MNAT1: variants seen among roughly 807,000 people sequenced by gnomAD.
MNAT1 encodes the protein CDK-activating kinase assembly factor MAT1.
In MNAT1, 43 loss-of-function variants were observed where a neutral mutation model predicts 42.0. The ratio of observed to expected loss-of-function variants is 1.02; its 90% CI spans 0.80 to 1.32. The LOEUF is 1.32. Among genes scored for constraint, MNAT1 ranks in the 40% most tolerant of loss-of-function variants. The pLI is 0.00. For synonymous variants in MNAT1, 118 were observed against 120.0 expected, an observed-to-expected ratio of 0.98 and a Z score of 0.11; for missense variants, 306 against 350.4, an observed-to-expected ratio of 0.87 and a Z score of 1.01.
intron 7 of MNAT1, among the ~76,000 whole-genome samples, chr14:60,959,312 G>T (rs866520542): frequency 1.1e-4 from 16 of 152,320 alleles, no homozygotes; most frequent in South Asian, 4.1e-4. Context: ...AGAGAAGGCT[G>T]CTGGAATCCT....
intron 7 of MNAT1, among the ~76,000 whole-genome samples, chr14:60,948,274 T>C (rs1324357079): frequency 6.6e-6 from 1 of 151,896 alleles, no homozygotes; most frequent in Admixed American, 6.6e-5. Flanking sequence ...CTACAAAAAA[T>C]TTAAAAATTA....
chr14:60,803,853 C>G (rs1391265621), intron 3 of MNAT1, among the ~76,000 whole-genome samples: 5 of 152,040 alleles, frequency 3.3e-5, no homozygotes, highest in Admixed American at 1.3e-4. Context: ...ATAATAGCAT[C>G]AAACATTTTC....
chr14:60,796,930 T>C (rs1234155625), intron 2 of MNAT1, among the ~76,000 whole-genome samples: 1 of 152,086 alleles, frequency 6.6e-6, no homozygotes, highest in East Asian at 1.9e-4. Flanking sequence ...CTATAGTTTA[T>C]TTTGGTATGT....
intron 1 of MNAT1, among the ~76,000 whole-genome samples, chr14:60,783,074 A>G (rs2031521567): frequency 6.6e-6 from 1 of 152,222 alleles, no homozygotes; most frequent in Non-Finnish European, 1.5e-5. Context: ...ATGATAATGA[A>G]TTTGGTATGA....
chr14:60,861,171 A>G (rs1169086779), intron 6 of MNAT1, among the ~76,000 whole-genome samples: 1 of 152,158 alleles, frequency 6.6e-6, no homozygotes, highest in East Asian at 1.9e-4. Context: ...ATTTATATCT[A>G]TTTGAAGATA....
At chr14:60,911,586 G>A (rs1396163170) in intron 7 of MNAT1, among the ~76,000 whole-genome samples, 4 of 152,164 alleles carry the variant, frequency 2.6e-5, no homozygotes, top group Non-Finnish European at 4.4e-5. Context: ...TGTGTACCCA[G>A]TAGTTCAGGA....
chr14:60,883,018 C>G (rs551082240), intron 7 of MNAT1, among the ~76,000 whole-genome samples: 67 of 152,196 alleles, frequency 4.4e-4, no homozygotes, highest in African/African-American at 1.6e-3. Context: ...AAAATATTTT[C>G]TCCCATTCTA....
intron 5 of MNAT1, among the ~76,000 whole-genome samples, chr14:60,815,271 A>G (rs1317762639): frequency 2.0e-5 from 3 of 150,964 alleles, no homozygotes; most frequent in African/African-American, 7.3e-5. Context: ...GCTGGAGTGC[A>G]GTGGCGTGAT....
chr14:60,903,868 T>C lies in MNAT1; in HGVS notation c.809+24033T>C, dbSNP rs980801794. ...GTTTTTGATGCTACCCATGTAAGTT[T>C]TTTTTTTTTTTTTTTTTTCTTTTTG... On this transcript the variant is annotated intron_variant, in intron 7 of 7. Coordinates refer to ENST00000261245, the MANE Select transcript of MNAT1 (RefSeq NM_002431.4). Among the ~76,000 whole-genome samples, 9 of 149,314 alleles carry C rather than the reference T, an allele frequency of 6.0e-5. 1 individual carries two copies. The highest frequency in any genetic ancestry group is 2.2e-4 in the African/African-American group (9 of 40,780).
intron 1 of MNAT1, among the ~76,000 whole-genome samples, chr14:60,776,579 A>AT (rs1347312493): frequency 6.6e-6 from 1 of 151,878 alleles, no homozygotes; most frequent in Non-Finnish European, 1.5e-5. Context: ...CTGGGGGGGG[A>AT]GGAGCAGATA....
Position 60,812,029 on chromosome 14 carries a change from C to A in MNAT1, c.463C>A (p.Arg155=), listed in dbSNP as rs145803434. 1 of 1,601,432 alleles carries A rather than the reference C, an allele frequency of 6.2e-7. No homozygotes were observed. Among genetic ancestry groups the A allele is most frequent in the Non-Finnish European group, 8.5e-7 (1 of 1,175,870 alleles). Reference sequence around the variant, plus strand: ...ACTGGAAGAAGCTTTAGAAGTGGAACGACAGGAAAATGAACAAAGAAGATT... The same window carrying A: ...ACTGGAAGAAGCTTTAGAAGTGGAAAGACAGGAAAATGAACAAAGAAGATT... The part of the protein sequence containing the change: ...EELEEALEVE[R]QENEQRRLFI... The change falls in exon 5 of 8, where the codon CGA becomes AGA. Residue 155 remains arginine (R), a synonymous_variant. Transcript: ENST00000261245.
chr14:60,903,200 T>G (rs1045183529), intron 7 of MNAT1, among the ~76,000 whole-genome samples: 2 of 152,080 alleles, frequency 1.3e-5, no homozygotes, highest in African/African-American at 4.8e-5. Context: ...TGAATATATA[T>G]TAAATCTTCG....
intron 1 of MNAT1, among the ~76,000 whole-genome samples, chr14:60,781,462 T>C (rs1334131024): frequency 6.6e-6 from 1 of 152,174 alleles, no homozygotes; most frequent in African/African-American, 2.4e-5. Context: ...CTCCCACTTA[T>C]GAAAAGTTTT....
intron 7 of MNAT1, among the ~76,000 whole-genome samples, chr14:60,899,920 A>G (rs1484541160): frequency 4.3e-5 from 6 of 140,184 alleles, no homozygotes; most frequent in Non-Finnish European, 9.3e-5. Context: ...CTGTGTGGTG[A>G]TTTGTGATTA....
chr14:60,861,668 C>A lies in MNAT1; in HGVS notation c.688-18046C>A, dbSNP rs1437990866. Among the ~76,000 whole-genome samples the A allele has an allele frequency of 2.0e-5, 3 of 152,256 alleles. No homozygotes were observed. The East Asian group carries it at 5.8e-4, about 29-fold the overall frequency. On this transcript the variant is annotated intron_variant, in intron 6 of 7. Transcript: ENST00000261245. Reference sequence around the variant, plus strand: ...CGAGCAAGAAAATATTCACCTGAATCAACATATTTTAGTGTCCTTAATGTT... The same window carrying A: ...CGAGCAAGAAAATATTCACCTGAATAAACATATTTTAGTGTCCTTAATGTT...
chr14:60,914,861 G>A (rs1029537412), intron 7 of MNAT1, among the ~76,000 whole-genome samples: 1 of 152,224 alleles, frequency 6.6e-6, no homozygotes, highest in Admixed American at 6.5e-5. Flanking sequence ...GGAGAGCAGA[G>A]TGAACATGGG....
At chr14:60,746,129 G>C (rs1896606744) in intron 1 of MNAT1, among the ~76,000 whole-genome samples, 1 of 152,070 alleles carries the variant, frequency 6.6e-6, no homozygotes, top group Non-Finnish European at 1.5e-5. Flanking sequence ...CGAGTTATAG[G>C]CCAGCCATTT....
At chr14:60,828,317 A>T (rs1347338845) in intron 6 of MNAT1, among the ~76,000 whole-genome samples, 1 of 152,204 alleles carries the variant, frequency 6.6e-6, no homozygotes, top group Non-Finnish European at 1.5e-5. Flanking sequence ...CGTTGTAAAG[A>T]TACTAAGTAT....
chr14:60,843,903 A>G (rs1036529541), intron 6 of MNAT1, among the ~76,000 whole-genome samples: 1 of 152,052 alleles, frequency 6.6e-6, no homozygotes, highest in African/African-American at 2.4e-5. Flanking sequence ...CTGTTTAGAA[A>G]CTTTGTAGTT....
Sources: allele counts gnomAD v4.1 joint callset (sites outside exome capture counted in the v4.1 genomes callset), GRCh38; gene constraint gnomAD v4.1.1; transcripts MANE v1.5; gene names NCBI Gene and HGNC (gene_info 2026-07-23, HGNC 2026-07-21).